Variants in KLF12 observed in about 807,000 individuals in gnomAD.
The protein encoded by KLF12 is KLF transcription factor 12.
KLF12 carries 9 observed loss-of-function variants against 37.8 expected under a neutral mutation model. The observed-to-expected ratio is 0.24, with a 90% CI of 0.14 to 0.42. The LOEUF (loss-of-function observed/expected upper bound fraction) is 0.42, where lower values mean the gene tolerates loss of function less well. Ranked by LOEUF, KLF12 falls within the 10% of genes least tolerant of loss-of-function variation. KLF12 has a pLI of 1.00. For synonymous variants in KLF12, 208 were observed against 202.1 expected, an observed-to-expected ratio of 1.03 and a Z score of -0.25; for missense variants, 411 against 516.0, an observed-to-expected ratio of 0.80 and a Z score of 1.97.
At chr13:73,944,885 T>G (rs1035038301) in intron 2 of KLF12, among the ~76,000 whole-genome samples, 1 of 152,218 alleles carries the variant, frequency 6.6e-6, no homozygotes, top group Non-Finnish European at 1.5e-5. Flanking sequence ...AGTGCTCGCC[T>G]AAGGCCCAAA....
At chr13:73,812,895 A>T in intron 5 of KLF12, 2 of 337,784 alleles carry the variant, frequency 5.9e-6, no homozygotes, top group East Asian at 4.5e-5. Flanking sequence ...TGCAGAGTTC[A>T]GGAGAAGGGT....
intron 3 of KLF12, among the ~76,000 whole-genome samples, chr13:73,910,273 T>C (rs79610928): frequency 0.012 from 1,817 of 152,296 alleles, 46 homozygotes; most frequent in African/African-American, 0.042. Flanking sequence ...GAAAGTCACA[T>C]CTTTGCCCTA....
At chr13:74,141,613 C>T in the KLF12 span, among the ~76,000 whole-genome samples, 1 of 152,148 alleles carries the variant, frequency 6.6e-6, no homozygotes, top group African/African-American at 2.4e-5. Flanking sequence ...CACACCAAAG[C>T]CCCAATCTCA....
At chr13:74,243,344 C>G in the KLF12 span, among the ~76,000 whole-genome samples, 7 of 152,080 alleles carry the variant, frequency 4.6e-5, no homozygotes, top group African/African-American at 1.7e-4. Context: ...TTTCTTTATT[C>G]AGTCTATCAT....
intron 1 of KLF12, among the ~76,000 whole-genome samples, chr13:74,132,332 G>C (rs1010004214): frequency 1.3e-5 from 2 of 152,152 alleles, no homozygotes; most frequent in African/African-American, 2.4e-5. Context: ...CGTCTAGGTG[G>C]TTTTGCAGAA....
the KLF12 span, among the ~76,000 whole-genome samples, chr13:74,282,733 A>G: frequency 6.6e-6 from 1 of 152,280 alleles, no homozygotes; most frequent in Admixed American, 6.5e-5. Context: ...ACCAAAACTG[A>G]ATAGAAAGGG....
At chr13:74,016,621 C>G (rs1892694035) in intron 1 of KLF12, among the ~76,000 whole-genome samples, 1 of 152,178 alleles carries the variant, frequency 6.6e-6, no homozygotes, top group Non-Finnish European at 1.5e-5. Flanking sequence ...CCCTAGCCTC[C>G]CACAGTGCTG....
At chr13:74,130,516 G>T (rs953920096) in intron 1 of KLF12, among the ~76,000 whole-genome samples, 1 of 152,040 alleles carries the variant, frequency 6.6e-6, no homozygotes, top group Non-Finnish European at 1.5e-5. Flanking sequence ...TTTTAGCTGG[G>T]TGTGGCAGTG....
At chr13:73,904,936 T>C (rs1184372061) in intron 3 of KLF12, among the ~76,000 whole-genome samples, 1 of 147,720 alleles carries the variant, frequency 6.8e-6, no homozygotes, top group Admixed American at 6.9e-5. Context: ...CAGTCAGTGG[T>C]TGACAGCAAC....
At chr13:73,707,735 G>A (rs1875057991) in intron 7 of KLF12, among the ~76,000 whole-genome samples, 2 of 152,098 alleles carry the variant, frequency 1.3e-5, no homozygotes, top group South Asian at 4.1e-4. Flanking sequence ...CGAACAAAAG[G>A]CCACCAGGAT....
At chr13:74,254,431 A>T in the KLF12 span, among the ~76,000 whole-genome samples, 1 of 152,222 alleles carries the variant, frequency 6.6e-6, no homozygotes, top group Non-Finnish European at 1.5e-5. Flanking sequence ...TGATGTGGCA[A>T]GTACTTGTTA....
chr13:74,111,761 G>T (rs1181424142), intron 1 of KLF12, among the ~76,000 whole-genome samples: 1 of 152,094 alleles, frequency 6.6e-6, no homozygotes, highest in Non-Finnish European at 1.5e-5. Flanking sequence ...TACTAAACCA[G>T]AAATGTATTA....
intron 2 of KLF12, among the ~76,000 whole-genome samples, chr13:73,952,330 C>T (rs577827392): frequency 2.0e-5 from 3 of 152,024 alleles, no homozygotes; most frequent in African/African-American, 4.8e-5. Flanking sequence ...TGGCAGAAGG[C>T]GAAGAGGAAG....
chr13:73,780,993 C>T (rs1404533709), intron 5 of KLF12, among the ~76,000 whole-genome samples: 1 of 152,192 alleles, frequency 6.6e-6, no homozygotes, highest in Admixed American at 6.5e-5. Flanking sequence ...GAAAGGCAGT[C>T]TCCATGGACG....
intron 2 of KLF12, among the ~76,000 whole-genome samples, chr13:73,963,860 G>T (rs1018970674): frequency 6.6e-6 from 1 of 152,166 alleles, no homozygotes; most frequent in Admixed American, 6.5e-5. Context: ...GTACAGCTTG[G>T]ATGCTAAAGT....
chr13:73,835,943 A>G (rs1884406959), intron 4 of KLF12, among the ~76,000 whole-genome samples: 1 of 152,136 alleles, frequency 6.6e-6, no homozygotes, highest in East Asian at 1.9e-4. Flanking sequence ...TTTAAAAAGA[A>G]TTTCTCTTTT....
rs138280743 is a variant in KLF12 at position 73,896,647 on chromosome 13, T to C, written c.123+47334A>G. ...TCTTCTTTGAAGCATTTTTAATATG[T>C]AATAAAATTTCTCTGAATCTAGGCT... is the stretch of plus-strand genomic sequence containing the variant. On this transcript the variant is annotated intron_variant, in intron 3 of 7. Transcript: ENST00000377669. Among the ~76,000 whole-genome samples, 997 of 152,334 alleles carry C rather than the reference T, an allele frequency of 6.5e-3. 14 individuals carry two copies. The highest frequency in any genetic ancestry group is 0.064 in the South Asian group (311 of 4,828).
chr13:74,011,210 G>C (rs1471150138), intron 1 of KLF12, among the ~76,000 whole-genome samples: 5 of 138,458 alleles, frequency 3.6e-5, no homozygotes, highest in African/African-American at 1.4e-4. Flanking sequence ...AATAAAGGAG[G>C]ACTCGATTTC....
At position 74,053,657 on chromosome 13, in the gene KLF12, G is replaced by A. The variant is rs551162412; in HGVS notation, c.-31-58604C>T. On this transcript the variant is annotated intron_variant, in intron 1 of 7. Transcript: ENST00000377669. ...CAGAATAATGCTTTGCAAAGGTGGAGGTTACATGCCTGGAAAATTGGACTC... is the reference window on the plus strand; with the variant it reads ...CAGAATAATGCTTTGCAAAGGTGGAAGTTACATGCCTGGAAAATTGGACTC... 1.4e-4 allele frequency among the ~76,000 whole-genome samples: 21 copies of A among 152,244 alleles called. 1 individual carries two copies. The South Asian group carries it at 4.1e-3, about 30-fold the overall frequency.
Sources: allele counts gnomAD v4.1 joint callset (sites outside exome capture counted in the v4.1 genomes callset), GRCh38; gene constraint gnomAD v4.1.1; transcripts MANE v1.5; gene names NCBI Gene and HGNC (gene_info 2026-07-23, HGNC 2026-07-21).